The following TMEFF2 variants were observed in gnomAD, a reference collection of about 807,000 sequenced individuals.
TMEFF2 encodes the protein tomoregulin-2.
TMEFF2 carries 28 observed loss-of-function variants against 53.8 expected under a neutral mutation model. The observed-to-expected ratio is 0.52, with a 90% CI of 0.39 to 0.71. The LOEUF is 0.71. TMEFF2 is among the 30% of genes least tolerant of loss of function. TMEFF2 has a pLI of 0.00. For synonymous variants in TMEFF2, 162 were observed against 166.3 expected (o/e 0.97, Z 0.20); for missense variants, 353 against 455.2 (o/e 0.78, Z 2.04).
chr2:192,160,641 T>C (rs1362246653), intron 4 of TMEFF2, among the ~76,000 whole-genome samples: 1 of 152,076 alleles, frequency 6.6e-6, no homozygotes, highest in Non-Finnish European at 1.5e-5. Context: ...CTGTGGAGCC[T>C]GAGCTTTTGC....
intron 4 of TMEFF2, among the ~76,000 whole-genome samples, chr2:192,143,737 T>A (rs1344020632): frequency 6.6e-6 from 1 of 152,160 alleles, no homozygotes. Flanking sequence ...CCACACATTT[T>A]CGTTAACTTC....
chr2:192,121,117 C>CAA (rs11433955), intron 4 of TMEFF2, among the ~76,000 whole-genome samples: 19 of 151,302 alleles, frequency 1.3e-4, no homozygotes, highest in Non-Finnish European at 2.5e-4. Flanking sequence ...CAAAAGAAAA[C>CAA]AAAAAAAACA....
chr2:192,039,144 C>A (rs1050342865), intron 5 of TMEFF2, among the ~76,000 whole-genome samples: 1 of 151,742 alleles, frequency 6.6e-6, no homozygotes, highest in African/African-American at 2.4e-5. Context: ...AGGCAATAGA[C>A]GAATAACTGG....
intron 7 of TMEFF2, among the ~76,000 whole-genome samples, chr2:191,972,144 TTTTG>T (rs1489993021): frequency 6.6e-5 from 2 of 30,330 alleles, no homozygotes; most frequent in Admixed American, 6.8e-4. Context: ...GTTAGTGTTT[TTTTG>T]TTTTTTTTTT....
At chr2:192,151,029 G>A (rs1690375498) in intron 4 of TMEFF2, among the ~76,000 whole-genome samples, 1 of 151,664 alleles carries the variant, frequency 6.6e-6, no homozygotes, top group Non-Finnish European at 1.5e-5. Context: ...GATCATGGGG[G>A]CATTTTCCCC....
At chr2:192,140,201 A>G (rs911510631) in intron 4 of TMEFF2, among the ~76,000 whole-genome samples, 1 of 152,224 alleles carries the variant, frequency 6.6e-6, no homozygotes, top group Admixed American at 6.5e-5. Context: ...TGTTGAGATG[A>G]CAATTATACA....
At chr2:192,177,533 T>G (rs1237952711) in intron 4 of TMEFF2, 2 of 151,050 alleles carry the variant, frequency 1.3e-5, no homozygotes, top group Non-Finnish European at 3.0e-5. Flanking sequence ...GAGCAAATAC[T>G]CATCACCACA....
chr2:191,986,756 G>T (rs930875339), intron 7 of TMEFF2, among the ~76,000 whole-genome samples: 2 of 151,404 alleles, frequency 1.3e-5, no homozygotes, highest in African/African-American at 4.9e-5. Context: ...TACTCAGGAG[G>T]CTGAGGCAGG....
chr2:192,150,940 T>C (rs936175869), intron 4 of TMEFF2, among the ~76,000 whole-genome samples: 3 of 151,846 alleles, frequency 2.0e-5, no homozygotes, highest in Admixed American at 6.6e-5. Flanking sequence ...TGGTTCTGTG[T>C]CCCCACTCAA....
chr2:192,173,901 A>C (rs1287138381), intron 4 of TMEFF2, among the ~76,000 whole-genome samples: 1 of 151,860 alleles, frequency 6.6e-6, no homozygotes, highest in Non-Finnish European at 1.5e-5. Flanking sequence ...ATATTCTTAT[A>C]GTATATGGGA....
intron 5 of TMEFF2, among the ~76,000 whole-genome samples, chr2:192,037,622 GAGAGGAGAGAAAGAGAGAGAA>G (rs879532011): frequency 0.011 from 1,084 of 96,386 alleles, 11 homozygotes; most frequent in Admixed American, 0.029. Flanking sequence ...GAGAAAGAGA[GAGAGGAGAGAAAGAGAGAGAA>G]AGAGAGAGAG....
intron 4 of TMEFF2, among the ~76,000 whole-genome samples, chr2:192,078,792 A>G (rs575586120): frequency 2.6e-5 from 4 of 152,348 alleles, no homozygotes; most frequent in Non-Finnish European, 5.9e-5. Context: ...GGAAAAAACT[A>G]TAAATGTTTC....
chr2:192,064,380 A>G (rs183083808), intron 4 of TMEFF2, among the ~76,000 whole-genome samples: 3 of 151,918 alleles, frequency 2.0e-5, no homozygotes, highest in African/African-American at 4.8e-5. Flanking sequence ...CTTTTAAAAC[A>G]TTATTTTTAC....
intron 4 of TMEFF2, among the ~76,000 whole-genome samples, chr2:192,069,756 A>G (rs560416614): frequency 1.6e-4 from 25 of 151,840 alleles, no homozygotes; most frequent in African/African-American, 5.8e-4. Flanking sequence ...AGATAAATGC[A>G]AAGAGATAAA....
At chr2:191,985,048 C>T (rs950165211) in intron 7 of TMEFF2, among the ~76,000 whole-genome samples, 6 of 152,026 alleles carry the variant, frequency 3.9e-5, no homozygotes, top group African/African-American at 1.2e-4. Context: ...GAAACAATTA[C>T]TTCTATCTAG....
chr2:192,042,658 A>G (rs1043889987), intron 5 of TMEFF2, among the ~76,000 whole-genome samples: 4 of 152,220 alleles, frequency 2.6e-5, no homozygotes, highest in African/African-American at 9.6e-5. Flanking sequence ...GATATTTAAT[A>G]TTGCATTTAA....
intron 5 of TMEFF2, among the ~76,000 whole-genome samples, chr2:192,006,311 T>C (rs1481001128): frequency 6.6e-6 from 1 of 152,078 alleles, no homozygotes; most frequent in East Asian, 1.9e-4. Context: ...TGATCAGAAA[T>C]AGACTAGGAC....
intron 5 of TMEFF2, among the ~76,000 whole-genome samples, chr2:192,018,149 TAAG>T (rs963052950): frequency 6.6e-6 from 1 of 152,198 alleles, no homozygotes; most frequent in African/African-American, 2.4e-5. Context: ...CTGGAGTCTG[TAAG>T]AATGCAAGCC....
intron 4 of TMEFF2, among the ~76,000 whole-genome samples, chr2:192,115,849 G>T (rs1277928022): frequency 6.6e-6 from 1 of 152,010 alleles, no homozygotes; most frequent in African/African-American, 2.4e-5. Flanking sequence ...TGTTGCCAGG[G>T]ATGTGGGGAA....
Sources: allele counts gnomAD v4.1 joint callset (sites outside exome capture counted in the v4.1 genomes callset), GRCh38; gene constraint gnomAD v4.1.1; transcripts MANE v1.5; gene names NCBI Gene and HGNC (gene_info 2026-07-23, HGNC 2026-07-21).